Variants in LOC112694756 observed in about 807,000 individuals in gnomAD.
chr16:30,069,657 GC>G, the LOC112694756 span: 3 of 1,613,566 alleles, frequency 1.9e-6, no homozygotes, highest in Non-Finnish European at 1.7e-6. Flanking sequence ...GCCGCACAGT[GC>G]CCCCCGCTGT....
the LOC112694756 span, among the ~76,000 whole-genome samples, chr16:30,063,140 C>CA: frequency 6.7e-3 from 707 of 105,678 alleles, 1 homozygote; most frequent in East Asian, 0.012. Flanking sequence ...GACCCTGTCT[C>CA]AAAAAAAAAA....
the LOC112694756 span, chr16:30,068,684 C>T: frequency 7.9e-5 from 127 of 1,614,098 alleles, no homozygotes; most frequent in Non-Finnish European, 9.8e-5. Context: ...GGACAAATGG[C>T]GAGACTACCA....
the LOC112694756 span, among the ~76,000 whole-genome samples, chr16:30,063,402 T>G: frequency 6.6e-6 from 1 of 152,122 alleles, no homozygotes; most frequent in Admixed American, 6.5e-5. Context: ...CAGAACCATC[T>G]TTTGAGCTTG....
the LOC112694756 span, among the ~76,000 whole-genome samples, chr16:30,062,207 A>G: frequency 6.8e-6 from 1 of 147,530 alleles, no homozygotes; most frequent in Non-Finnish European, 1.5e-5. Context: ...CGTTTGAAAA[A>G]ACAAACAAAC....
At chr16:30,061,548 CTTTTTTTT>C in the LOC112694756 span, among the ~76,000 whole-genome samples, 5 of 65,624 alleles carry the variant, frequency 7.6e-5, no homozygotes, top group Non-Finnish European at 1.1e-4. Flanking sequence ...CCTCCATTTC[CTTTTTTTT>C]TTTTTTTTTT....
At chr16:30,064,280 T>C in the LOC112694756 span, 1 of 394,564 alleles carries the variant, frequency 2.5e-6, no homozygotes, top group Non-Finnish European at 4.5e-6. Context: ...ACTCTCCTTC[T>C]TAAAAAAAAC....
chr16:30,070,299 G>A, the LOC112694756 span: 1 of 1,372,454 alleles, frequency 7.3e-7, no homozygotes, highest in Non-Finnish European at 1.0e-6. Flanking sequence ...GGGGCTCCAG[G>A]CTGGCTTGCC....
the LOC112694756 span, chr16:30,067,023 G>T: frequency 6.3e-7 from 1 of 1,575,940 alleles, no homozygotes; most frequent in South Asian, 1.2e-5. Flanking sequence ...CCCAGCACCA[G>T]ACAGAGTTAG....
chr16:30,060,946 A>G, the LOC112694756 span, among the ~76,000 whole-genome samples: 792 of 152,322 alleles, frequency 5.2e-3, 4 homozygotes, highest in African/African-American at 0.018. Flanking sequence ...CTCACCAGCC[A>G]TCTGACACCA....
At chr16:30,061,717 G>A in the LOC112694756 span, among the ~76,000 whole-genome samples, 7 of 151,128 alleles carry the variant, frequency 4.6e-5, no homozygotes, top group Non-Finnish European at 7.4e-5. Flanking sequence ...ACCCCACCAC[G>A]CCCAGCTAAT....
chr16:30,067,527 C>T, the LOC112694756 span: 1 of 1,613,906 alleles, frequency 6.2e-7, no homozygotes, highest in Non-Finnish European at 8.5e-7. Context: ...CCAGCTGCTG[C>T]TGACAGCTGA....
At chr16:30,067,040 T>A in the LOC112694756 span, 1 of 1,577,924 alleles carries the variant, frequency 6.3e-7, no homozygotes, top group Non-Finnish European at 8.6e-7. Flanking sequence ...TTAGGAAAGG[T>A]ACAGGGGCAG....
the LOC112694756 span, chr16:30,064,707 T>A: frequency 2.8e-6 from 1 of 357,828 alleles, no homozygotes; most frequent in Non-Finnish European, 5.0e-6. Flanking sequence ...GGGCAGGAGC[T>A]GCCTTATAAC....
chr16:30,069,633 C>G, the LOC112694756 span: 1 of 1,613,850 alleles, frequency 6.2e-7, no homozygotes, highest in Non-Finnish European at 8.5e-7. Context: ...CCATGGCGAC[C>G]GTCACAGCGC....
the LOC112694756 span, among the ~76,000 whole-genome samples, chr16:30,057,699 CA>C: frequency 6.6e-6 from 1 of 152,056 alleles, no homozygotes; most frequent in East Asian, 1.9e-4. Flanking sequence ...TCTGGTTTGC[CA>C]GGGGCAGTCA....
At chr16:30,054,389 AAGGGAGGGAGGG>A in the LOC112694756 span, among the ~76,000 whole-genome samples, 1 of 152,090 alleles carries the variant, frequency 6.6e-6, no homozygotes. Context: ...GACGGATTGT[AAGGGAGGGAGGG>A]ATACTACACA....
the LOC112694756 span, among the ~76,000 whole-genome samples, chr16:30,060,936 C>T: frequency 1.3e-5 from 2 of 152,238 alleles, no homozygotes; most frequent in South Asian, 4.1e-4. Context: ...GATATCTGAT[C>T]TCACCAGCCA....
chr16:30,059,007 G>A, the LOC112694756 span: 5 of 398,470 alleles, frequency 1.3e-5, no homozygotes, highest in South Asian at 1.3e-4. Flanking sequence ...GAGAAATGAC[G>A]TGCTATGGAG....
chr16:30,062,527 T>G, the LOC112694756 span, among the ~76,000 whole-genome samples: 1 of 120,306 alleles, frequency 8.3e-6, no homozygotes, highest in Admixed American at 9.7e-5. Flanking sequence ...CGAGACTCCG[T>G]CTCAAAAAAA....
Sources: allele counts gnomAD v4.1 joint callset (sites outside exome capture counted in the v4.1 genomes callset), GRCh38; gene constraint gnomAD v4.1.1; transcripts MANE v1.5.